HPSE2: variants seen among roughly 807,000 people sequenced by gnomAD.
HPSE2 encodes the protein inactive heparanase-2.
In HPSE2, 38 loss-of-function variants were observed where a neutral mutation model predicts 60.5. That is an observed-to-expected ratio of 0.63 (90% CI 0.48 to 0.82). HPSE2 has a LOEUF of 0.82. Ranked by LOEUF, HPSE2 falls within the 40% of genes least tolerant of loss-of-function variation. The probability of loss-of-function intolerance (pLI) is 0.00; values close to 1 mark genes in which losing one functional copy is unlikely to be tolerated. For synonymous variants in HPSE2, 295 were observed against 293.2 expected (o/e 1.01, Z -0.06); for missense variants, 713 against 740.4 (o/e 0.96, Z 0.43).
intron 9 of HPSE2, among the ~76,000 whole-genome samples, chr10:98,593,420 T>A (rs568849057): frequency 2.4e-4 from 37 of 151,832 alleles, no homozygotes; most frequent in Admixed American, 1.3e-4. Context: ...GTCTGGGGCA[T>A]TATGTAGGCA....
chr10:98,993,912 T>C (rs970134265), intron 3 of HPSE2, among the ~76,000 whole-genome samples: 2 of 152,216 alleles, frequency 1.3e-5, no homozygotes, highest in African/African-American at 2.4e-5. Context: ...TACATAAGGA[T>C]AAAACAGAGT....
At chr10:98,873,761 C>T (rs938975725) in intron 3 of HPSE2, among the ~76,000 whole-genome samples, 25 of 152,054 alleles carry the variant, frequency 1.6e-4, no homozygotes, top group African/African-American at 6.0e-4. Flanking sequence ...AATGGTATTT[C>T]TCGTTCTAGA....
chr10:98,932,063 G>C (rs11527895), intron 3 of HPSE2, among the ~76,000 whole-genome samples: 79,399 of 142,698 alleles, frequency 0.56, 27,382 homozygotes, highest in Non-Finnish European at 0.67. Flanking sequence ...CAAAGGGAAT[G>C]CCTCCAGCTT....
chr10:98,984,277 AC>A (rs1165296889), intron 3 of HPSE2, among the ~76,000 whole-genome samples: 1 of 152,072 alleles, frequency 6.6e-6, no homozygotes. Flanking sequence ...ACGGCCAGGT[AC>A]TCCTCTGAGA....
At chr10:99,070,569 C>T (rs1206701061) in intron 3 of HPSE2, among the ~76,000 whole-genome samples, 2 of 152,172 alleles carry the variant, frequency 1.3e-5, no homozygotes, top group African/African-American at 4.8e-5. Context: ...GTATTGTTAA[C>T]TACAGGTACA....
At chr10:98,753,678 C>A (rs577119489) in intron 3 of HPSE2, among the ~76,000 whole-genome samples, 1 of 152,248 alleles carries the variant, frequency 6.6e-6, no homozygotes, top group Admixed American at 6.5e-5. Context: ...ACCTTGGGGG[C>A]CGGAGGACAA....
At chr10:98,761,410 C>T (rs1368289073) in intron 3 of HPSE2, among the ~76,000 whole-genome samples, 2 of 151,986 alleles carry the variant, frequency 1.3e-5, no homozygotes, top group East Asian at 3.8e-4. Context: ...TTATTATTTC[C>T]TTCCTTCTGC....
chr10:99,184,522 CAAAAAAAAAAAAAAAAAAAAAAAA>C (rs200059066), intron 2 of HPSE2, among the ~76,000 whole-genome samples: 6 of 60,766 alleles, frequency 9.9e-5, no homozygotes, highest in East Asian at 4.7e-4. Context: ...GAGACTGTCT[CAAAAAAAAAAAAAAAAAAAAAAAA>C]AAAAAAAAAA....
intron 3 of HPSE2, among the ~76,000 whole-genome samples, chr10:98,954,978 TTA>T (rs5787317): frequency 8.7e-4 from 126 of 145,306 alleles, no homozygotes; most frequent in Non-Finnish European, 1.4e-3. Context: ...ATATACATAT[TTA>T]TATATATATA....
rs530746572 is a variant in HPSE2 at position 98,911,658 on chromosome 10, G to A, written c.611-167602C>T. Among the ~76,000 whole-genome samples, 310 of 152,284 alleles carry A rather than the reference G, an allele frequency of 2.0e-3. 4 individuals are homozygous for A. Among genetic ancestry groups the A allele is most frequent in the East Asian group, 9.6e-4 (5 of 5,184 alleles). ...GTAGGGGTCCAGCTATAACCCGGTT[G>A]AAACAAGCCAAGAAGGCTAGACTTC... On this transcript the variant is annotated intron_variant, in intron 3 of 11. Transcript: ENST00000370552.
intron 11 of HPSE2, among the ~76,000 whole-genome samples, chr10:98,462,768 TC>T (rs965842785): frequency 6.6e-6 from 1 of 152,030 alleles, no homozygotes; most frequent in African/African-American, 2.4e-5. Flanking sequence ...TCTGCACTCC[TC>T]CCAGGTTGCT....
chr10:98,734,910 C>CACAT (rs1269081752), intron 4 of HPSE2, among the ~76,000 whole-genome samples: 3 of 113,868 alleles, frequency 2.6e-5, no homozygotes, highest in African/African-American at 8.1e-5. Flanking sequence ...CACACACACA[C>CACAT]AAACACACAC....
chr10:98,943,123 C>T (rs920761520), intron 3 of HPSE2, among the ~76,000 whole-genome samples: 52 of 150,670 alleles, frequency 3.5e-4, no homozygotes, highest in African/African-American at 1.2e-3. Flanking sequence ...GGTGATATAC[C>T]TAATGCTAAA....
chr10:98,989,044 G>C (rs1956451981), intron 3 of HPSE2, among the ~76,000 whole-genome samples: 2 of 151,548 alleles, frequency 1.3e-5, no homozygotes, highest in African/African-American at 2.4e-5. Flanking sequence ...TTACACTGTT[G>C]GTGGGACTGT....
At chr10:98,703,364 C>T (rs1413490612) in intron 5 of HPSE2, among the ~76,000 whole-genome samples, 1 of 152,152 alleles carries the variant, frequency 6.6e-6, no homozygotes, top group Non-Finnish European at 1.5e-5. Context: ...CAAAGAAGAG[C>T]TGGTACCAGT....
chr10:98,512,812 A>AACTC (rs1554924734), intron 9 of HPSE2, among the ~76,000 whole-genome samples: 16 of 124,546 alleles, frequency 1.3e-4, no homozygotes, highest in African/African-American at 4.3e-4. Flanking sequence ...CCCACCCCCC[A>AACTC]ACACACACAC....
intron 6 of HPSE2, among the ~76,000 whole-genome samples, chr10:98,670,938 C>G (rs539318122): frequency 1.3e-5 from 2 of 152,300 alleles, no homozygotes; most frequent in African/African-American, 4.8e-5. Context: ...CTGAATAAAG[C>G]CCTTCCTTCT....
intron 2 of HPSE2, among the ~76,000 whole-genome samples, chr10:99,161,202 C>T (rs962208864): frequency 2.7e-5 from 4 of 145,480 alleles, no homozygotes; most frequent in African/African-American, 1.0e-4. Flanking sequence ...GCCTCGGTAA[C>T]AGAGTGAGAC....
At chr10:98,531,587 A>G (rs1943133292) in intron 9 of HPSE2, among the ~76,000 whole-genome samples, 1 of 152,216 alleles carries the variant, frequency 6.6e-6, no homozygotes, top group Non-Finnish European at 1.5e-5. Context: ...AATTCCAAAG[A>G]GGGTCTTTCT....
Sources: allele counts gnomAD v4.1 joint callset (sites outside exome capture counted in the v4.1 genomes callset), GRCh38; gene constraint gnomAD v4.1.1; transcripts MANE v1.5; gene names NCBI Gene and HGNC (gene_info 2026-07-23, HGNC 2026-07-21).